The following TMEM132D variants were observed in gnomAD, a reference collection of about 807,000 sequenced individuals.
The protein encoded by TMEM132D is mature OL transmembrane protein.
TMEM132D carries 21 observed loss-of-function variants against 62.3 expected under a neutral mutation model. The ratio of observed to expected loss-of-function variants is 0.34; its 90% CI spans 0.24 to 0.49. The LOEUF is 0.49. Ranked by LOEUF, TMEM132D falls within the 20% of genes least tolerant of loss-of-function variation. The pLI is 0.99. For synonymous variants in TMEM132D, 621 were observed against 575.6 expected, an observed-to-expected ratio of 1.08 and a Z score of -1.13; for missense variants, 1,346 against 1,402.8, an observed-to-expected ratio of 0.96 and a Z score of 0.65.
intron 5 of TMEM132D, among the ~76,000 whole-genome samples, chr12:129,200,844 C>T (rs1325534096): frequency 2.0e-5 from 3 of 152,192 alleles, no homozygotes; most frequent in African/African-American, 7.2e-5. Context: ...TCTGATTTTC[C>T]ACTCGTCTCT....
rs139935444 is a variant in TMEM132D at position 129,209,328 on chromosome 12, A to T, written c.1443+192T>A. On this transcript the variant is annotated intron_variant, in intron 5 of 8. Transcript: ENST00000422113. ...CAGACTCGGAGTCACCAGCCAGAGCACTTTTTCATTCTGTCCAATATTTGT... is the reference window on the plus strand; with the variant it reads ...CAGACTCGGAGTCACCAGCCAGAGCTCTTTTTCATTCTGTCCAATATTTGT... 2.6e-4 allele frequency among the ~76,000 whole-genome samples: 40 copies of T among 152,248 alleles called. 2 individuals carry two copies. The East Asian group carries it at 5.4e-3, about 21-fold the overall frequency.
intron 2 of TMEM132D, among the ~76,000 whole-genome samples, chr12:129,541,799 T>G (rs973554047): frequency 6.6e-6 from 1 of 152,198 alleles, no homozygotes; most frequent in Non-Finnish European, 1.5e-5. Context: ...TAACACGGTG[T>G]CTGGTAGAAA....
At chr12:129,263,750 C>A (rs1208690369) in intron 4 of TMEM132D, among the ~76,000 whole-genome samples, 2 of 151,830 alleles carry the variant, frequency 1.3e-5, no homozygotes, top group Non-Finnish European at 2.9e-5. Context: ...ATATACATCC[C>A]AAAGTAGAGG....
At chr12:129,680,764 T>C (rs1305993196) in intron 2 of TMEM132D, among the ~76,000 whole-genome samples, 1 of 152,124 alleles carries the variant, frequency 6.6e-6, no homozygotes. Context: ...AGCCCAAGTA[T>C]GAATAAACAC....
chr12:129,700,819 C>A (rs888362203), intron 1 of TMEM132D, 121 bp from the exon 2 acceptor site: 14 of 1,158,752 alleles, frequency 1.2e-5, no homozygotes, highest in Middle Eastern at 2.7e-4. Context: ...TTATGCAATT[C>A]CTTATCCAAA....
chr12:129,093,172 G>C (rs114775108), intron 5 of TMEM132D, among the ~76,000 whole-genome samples: 2,351 of 152,272 alleles, frequency 0.015, 81 homozygotes, highest in African/African-American at 0.053. Context: ...CGGGTCAGCA[G>C]GGATGCTCCA....
chr12:129,799,938 C>T (rs984680761), intron 1 of TMEM132D, among the ~76,000 whole-genome samples: 1 of 152,182 alleles, frequency 6.6e-6, no homozygotes, highest in East Asian at 1.9e-4. Context: ...TGCCAAAACT[C>T]ATCCCATCCT....
chr12:129,283,530 T>C (rs1881216292), intron 4 of TMEM132D, among the ~76,000 whole-genome samples: 1 of 152,226 alleles, frequency 6.6e-6, no homozygotes, highest in African/African-American at 2.4e-5. Context: ...TCCTAAATGT[T>C]TTCTCATGCT....
At chr12:129,184,178 G>C (rs1878155561) in intron 5 of TMEM132D, among the ~76,000 whole-genome samples, 2 of 152,178 alleles carry the variant, frequency 1.3e-5, no homozygotes, top group Admixed American at 1.3e-4. Context: ...GACAACATCT[G>C]ATCTAGGCCA....
intron 3 of TMEM132D, among the ~76,000 whole-genome samples, chr12:129,467,301 T>C (rs1873940795): frequency 6.6e-6 from 1 of 152,158 alleles, no homozygotes; most frequent in Non-Finnish European, 1.5e-5. Flanking sequence ...TTCTTGGCTC[T>C]GCTTTTCTCT....
intron 2 of TMEM132D, among the ~76,000 whole-genome samples, chr12:129,661,124 C>T (rs189197720): frequency 5.9e-5 from 9 of 152,264 alleles, no homozygotes; most frequent in Admixed American, 1.3e-4. Flanking sequence ...CTGTGCTGGG[C>T]TAACGGGACC....
At position 129,277,165 on chromosome 12, in the gene TMEM132D, A is replaced by T. The variant is rs1161313204; in HGVS notation, c.1299+60469T>A. Among the ~76,000 whole-genome samples the T allele has an allele frequency of 2.0e-5, 3 of 152,216 alleles. No homozygotes were observed. The highest frequency in any genetic ancestry group is 7.2e-5 in the African/African-American group (3 of 41,468). On this transcript the variant is annotated intron_variant, in intron 4 of 8. Transcript: ENST00000422113. The surrounding 1 kb of genome is among the most constrained non-coding windows in gnomAD (Gnocchi z 4.2). ...GTGGGTGAGAACAGTGGGTGTGTGG[A>T]GAACAAAAACTATGGAAACAAGCCT...
intron 1 of TMEM132D, among the ~76,000 whole-genome samples, chr12:129,892,682 T>C (rs1195414095): frequency 1.3e-5 from 2 of 152,140 alleles, no homozygotes; most frequent in Admixed American, 1.3e-4. Flanking sequence ...ACAATCTCTA[T>C]ACACGCAGGC....
intron 1 of TMEM132D, among the ~76,000 whole-genome samples, chr12:129,818,757 G>A (rs550913245): frequency 1.5e-4 from 23 of 152,052 alleles, no homozygotes; most frequent in South Asian, 6.2e-4. Flanking sequence ...AGAACGTGCC[G>A]GGGGTGGTAG....
At chr12:129,783,550 A>G (rs1273831582) in intron 1 of TMEM132D, among the ~76,000 whole-genome samples, 1 of 152,114 alleles carries the variant, frequency 6.6e-6, no homozygotes, top group African/African-American at 2.4e-5. Flanking sequence ...ACTTGTTTTC[A>G]TTGTAGGGCC....
intron 1 of TMEM132D, among the ~76,000 whole-genome samples, chr12:129,835,364 C>T (rs1455400616): frequency 6.6e-6 from 1 of 152,160 alleles, no homozygotes; most frequent in Non-Finnish European, 1.5e-5. Context: ...GATCTTGGCT[C>T]ACTGAAGCTT....
chr12:129,580,009 C>T (rs550517716), intron 2 of TMEM132D, among the ~76,000 whole-genome samples: 3 of 152,114 alleles, frequency 2.0e-5, no homozygotes, highest in Non-Finnish European at 4.4e-5. Flanking sequence ...AAAGACAAGA[C>T]GCATCATCAC....
chr12:129,494,171 C>G (rs1465424737), intron 3 of TMEM132D, among the ~76,000 whole-genome samples: 2 of 152,184 alleles, frequency 1.3e-5, no homozygotes, highest in Non-Finnish European at 2.9e-5. Context: ...TACATGGAAA[C>G]TTGAACCAGT....
At chr12:129,270,660 TGA>T (rs1029831507) in intron 4 of TMEM132D, among the ~76,000 whole-genome samples, 1 of 152,086 alleles carries the variant, frequency 6.6e-6, no homozygotes, top group Admixed American at 6.6e-5. Context: ...TGTGTGTGTG[TGA>T]GAGTGTGCCA....
Sources: allele counts gnomAD v4.1 joint callset (sites outside exome capture counted in the v4.1 genomes callset), GRCh38; gene constraint gnomAD v4.1.1; non-coding constraint Gnocchi (gnomAD v3.1); transcripts MANE v1.5; gene names NCBI Gene and HGNC (gene_info 2026-07-23, HGNC 2026-07-21).